MCTP1: variants seen among roughly 807,000 people sequenced by gnomAD.
MCTP1 encodes the protein multiple C2 and transmembrane domain-containing protein 1.
MCTP1 carries 69 observed loss-of-function variants against 120.6 expected under a neutral mutation model. The ratio of observed to expected loss-of-function variants is 0.57; its 90% confidence interval spans 0.47 to 0.70. The LOEUF (loss-of-function observed/expected upper bound fraction) is 0.70. Among genes scored for constraint, MCTP1 ranks in the 30% least tolerant of loss-of-function variants. The probability of loss-of-function intolerance (pLI) is 0.00; values close to 1 mark genes in which losing one functional copy is unlikely to be tolerated. For missense variants in MCTP1, 1,203 were observed against 1,248.8 expected, an observed-to-expected ratio of 0.96 and a Z score of 0.55; for synonymous variants, 529 against 493.1, an observed-to-expected ratio of 1.07 and a Z score of -0.96.
intron 18 of MCTP1, among the ~76,000 whole-genome samples, chr5:94,787,717 C>T (rs1778047249): frequency 1.3e-5 from 2 of 151,788 alleles, no homozygotes; most frequent in Non-Finnish European, 2.9e-5. Context: ...CCTGGGTTCA[C>T]GCCATTCTCC....
intron 1 of MCTP1, among the ~76,000 whole-genome samples, chr5:95,259,629 G>A (rs995949213): frequency 2.0e-5 from 3 of 152,054 alleles, no homozygotes; most frequent in Admixed American, 6.5e-5. Context: ...GGGCCCTGTG[G>A]GTATGCAGAT....
intron 22 of MCTP1, 173 bp downstream of exon 22, chr5:94,708,339 T>C (rs1376095516): frequency 4.1e-6 from 2 of 484,584 alleles, no homozygotes; most frequent in Non-Finnish European, 7.4e-6. Flanking sequence ...TAAGTGCTTC[T>C]TGGATAACAC....
At chr5:94,773,443 G>A (rs148319120) in intron 19 of MCTP1, among the ~76,000 whole-genome samples, 31 of 152,198 alleles carry the variant, frequency 2.0e-4, no homozygotes, top group East Asian at 9.7e-4. Context: ...GGGTCTATGC[G>A]GTTTTGATAG....
At chr5:94,963,560 T>C (rs186570853) in intron 2 of MCTP1, among the ~76,000 whole-genome samples, 3 of 152,108 alleles carry the variant, frequency 2.0e-5, no homozygotes, top group African/African-American at 7.2e-5. Context: ...TGATGATTAC[T>C]GATGTTGAGG....
chr5:95,046,826 T>C (rs1744665090), intron 1 of MCTP1, among the ~76,000 whole-genome samples: 2 of 152,148 alleles, frequency 1.3e-5, no homozygotes, highest in South Asian at 4.1e-4. Flanking sequence ...AGACTGTGAA[T>C]TCCTAGAGGC....
intron 10 of MCTP1, among the ~76,000 whole-genome samples, chr5:94,897,731 A>C (rs1804445367): frequency 6.6e-6 from 1 of 152,014 alleles, no homozygotes; most frequent in South Asian, 2.1e-4. Context: ...AATATACATA[A>C]ACTCTCCTGT....
intron 1 of MCTP1, among the ~76,000 whole-genome samples, chr5:95,085,891 CT>C (rs1164608912): frequency 6.6e-6 from 1 of 151,838 alleles, no homozygotes; most frequent in East Asian, 1.9e-4. Flanking sequence ...TATTATTGGC[CT>C]TTTTTTCTAT....
At chr5:95,011,980 T>C (rs907250707) in intron 2 of MCTP1, among the ~76,000 whole-genome samples, 4 of 152,082 alleles carry the variant, frequency 2.6e-5, no homozygotes, top group African/African-American at 9.7e-5. Context: ...AGGCCTGAAA[T>C]AAACCATTTC....
intron 17 of MCTP1, among the ~76,000 whole-genome samples, chr5:94,860,649 G>C (rs1003436564): frequency 6.6e-6 from 1 of 151,434 alleles, no homozygotes; most frequent in Non-Finnish European, 1.5e-5. Context: ...GAGTATAAAA[G>C]TAAATGTAGT....
intron 3 of MCTP1, among the ~76,000 whole-genome samples, chr5:94,947,615 G>GAGAGAGAT (rs1819437492): frequency 1.6e-5 from 2 of 127,486 alleles, no homozygotes; most frequent in Admixed American, 1.6e-4. Flanking sequence ...GAGAGAGAGA[G>GAGAGAGAT]AGAGAGAAAG....
At chr5:95,140,019 C>A (rs1759775841) in intron 1 of MCTP1, among the ~76,000 whole-genome samples, 1 of 152,152 alleles carries the variant, frequency 6.6e-6, no homozygotes, top group South Asian at 2.1e-4. Context: ...ATGCTGGAAT[C>A]CCCTCATCCA....
intron 2 of MCTP1, among the ~76,000 whole-genome samples, chr5:94,983,502 G>A (rs1465842376): frequency 6.6e-6 from 1 of 152,060 alleles, no homozygotes. Context: ...ATAACAAAGA[G>A]ATCCAAAAAA....
rs146809660 is a variant in MCTP1 at position 95,176,655 on chromosome 5, C to G, written c.720+107201G>C. On this transcript the variant is annotated intron_variant, in intron 1 of 22. Transcript: ENST00000515393. ...GTGAGTCCGGGAGTTTGAGACCAGC[C>G]TGGCCAACATGCCAAAACCCTGTCT... Among the ~76,000 whole-genome samples, 170 of 152,200 alleles carry G rather than the reference C, an allele frequency of 1.1e-3. 3 individuals are homozygous for G. The East Asian group carries it at 0.028, about 25-fold the overall frequency.
At chr5:94,743,318 A>T (rs952406803) in intron 19 of MCTP1, among the ~76,000 whole-genome samples, 38 of 151,626 alleles carry the variant, frequency 2.5e-4, no homozygotes, top group Non-Finnish European at 2.5e-4. Flanking sequence ...AATTCAATAA[A>T]AAAAAAAAAA....
At chr5:94,954,317 A>T (rs1422915750) in intron 2 of MCTP1, among the ~76,000 whole-genome samples, 1 of 150,982 alleles carries the variant, frequency 6.6e-6, no homozygotes, top group African/African-American at 2.4e-5. Context: ...TAAGTAAAAA[A>T]CTACATGTTC....
chr5:95,102,573 A>G (rs1756814838), intron 1 of MCTP1, among the ~76,000 whole-genome samples: 1 of 152,242 alleles, frequency 6.6e-6, no homozygotes, highest in South Asian at 2.1e-4. Context: ...CCCATCTCAT[A>G]TAATGCCCAA....
intron 10 of MCTP1, among the ~76,000 whole-genome samples, chr5:94,895,552 A>T (rs1311376305): frequency 6.6e-6 from 1 of 152,224 alleles, no homozygotes. Context: ...CAAGGCTAAT[A>T]AACGGAGAGA....
chr5:94,876,766 G>T (rs1028823570), intron 12 of MCTP1, among the ~76,000 whole-genome samples: 3 of 152,032 alleles, frequency 2.0e-5, no homozygotes, highest in Non-Finnish European at 2.9e-5. Context: ...CTGTGGGATT[G>T]ATTGCTTTAA....
intron 2 of MCTP1, chr5:94,979,084 T>C (rs1828797959): frequency 1.3e-5 from 2 of 151,952 alleles, no homozygotes; most frequent in South Asian, 4.2e-4. Context: ...GAATAAGAAA[T>C]AGATCCCCAA....
Sources: allele counts gnomAD v4.1 joint callset (sites outside exome capture counted in the v4.1 genomes callset), GRCh38; gene constraint gnomAD v4.1.1; transcripts MANE v1.5; gene names NCBI Gene and HGNC (gene_info 2026-07-23, HGNC 2026-07-21).